SMCHD1: variants seen among roughly 807,000 people sequenced by gnomAD.
The protein encoded by SMCHD1 is structural maintenance of chromosomes flexible hinge domain containing 1.
A neutral mutation model predicts 254.7 loss-of-function variants in SMCHD1; 78 were observed. The observed-to-expected ratio is 0.31, with a 90% CI of 0.26 to 0.37. SMCHD1 has a LOEUF of 0.37. Among genes scored for constraint, SMCHD1 ranks in the 10% least tolerant of loss-of-function variants. The pLI is 1.00. For missense variants in SMCHD1, 1,840 were observed against 2,408.1 expected, an observed-to-expected ratio of 0.76 and a Z score of 4.94; for synonymous variants, 766 against 794.9, an observed-to-expected ratio of 0.96 and a Z score of 0.61.
chr18:2,752,556 T>C lies in SMCHD1; in HGVS notation c.4346+4T>C. 6.5e-7 allele frequency: 1 copy of C among 1,539,080 alleles called. No homozygotes were observed. Among genetic ancestry groups the C allele is most frequent in the Non-Finnish European group, 9.0e-7 (1 of 1,112,896 alleles). Reference sequence around the variant, plus strand: ...AAGATGGCTGCTTCTATTTCAGGTATTTCTCAAAACATTTCATATTTTGAA... The same window carrying C: ...AAGATGGCTGCTTCTATTTCAGGTACTTCTCAAAACATTTCATATTTTGAA... On this transcript the variant is annotated splice_donor_region_variant and intron_variant, in intron 34 of 47. Coordinates refer to ENST00000320876, the MANE Select transcript of SMCHD1 (RefSeq NM_015295.3).
chr18:2,800,924 CCTCTT>C (rs528410542), intron 47 of SMCHD1: 2 of 152,172 alleles, frequency 1.3e-5, no homozygotes, highest in East Asian at 3.9e-4. Context: ...AGAGACTAGA[CCTCTT>C]TTATAAAATT....
chr18:2,755,613 G>T (rs1482625042), intron 34 of SMCHD1, among the ~76,000 whole-genome samples: 2 of 139,226 alleles, frequency 1.4e-5, no homozygotes, highest in African/African-American at 5.5e-5. Flanking sequence ...TGTCTCCCAG[G>T]CTGGAGTGCA....
rs1167921048 is a variant in SMCHD1, at chr18:2,689,852, T to TAA, written c.873+1129_873+1130dup. On this transcript the variant is annotated intron_variant, in intron 7 of 47. Transcript: ENST00000320876. Reference sequence around the variant, plus strand: ...GTAACATAGGAGACCTTGTCTCTACTAAAAAAAAAAAAAAAAAAAAAAAAA... The same window carrying TAA: ...GTAACATAGGAGACCTTGTCTCTACTAAAAAAAAAAAAAAAAAAAAAAAAAAA... Among the ~76,000 whole-genome samples, 157 of 72,496 alleles carry TAA rather than the reference T, an allele frequency of 2.2e-3. 2 individuals are homozygous for TAA. The highest frequency in any genetic ancestry group is 6.5e-3 in the African/African-American group (109 of 16,852). The allele number at this position is 72,496 out of a possible 152,430, so 47.6% of individuals were successfully genotyped here. A position where few individuals can be genotyped will look rare whatever the true frequency, so the allele number is the denominator to read the frequency against.
At chr18:2,698,354 CT>C (rs1292446959) in intron 10 of SMCHD1, among the ~76,000 whole-genome samples, 39 of 152,184 alleles carry the variant, frequency 2.6e-4, no homozygotes, top group African/African-American at 8.9e-4. Flanking sequence ...CAGTTTTACA[CT>C]TTATGCAGTC....
At chr18:2,752,899 G>C (rs1012218350) in intron 34 of SMCHD1, 1 of 190,960 alleles carries the variant, frequency 5.2e-6, no homozygotes, top group African/African-American at 2.4e-5. Flanking sequence ...GCATGTTGCT[G>C]CTTCATTCTG....
Position 2,718,412 on chromosome 18 carries a change from A to T in SMCHD1, c.2436A>T (p.Lys812Asn). The change falls in exon 19 of 48, where the codon AAA becomes AAT. Residue 812 changes from lysine to asparagine, a missense_variant. This residue lies in a region of SMCHD1 where 59 missense variants were observed against 99.2 expected (regional missense o/e 0.59). Coordinates refer to ENST00000320876, the MANE Select transcript of SMCHD1 (RefSeq NM_015295.3). The surrounding 1 kb of genome is among the most constrained non-coding windows in gnomAD (Gnocchi z 4.6). Reference protein sequence around the residue: ...DTYAGRPLPSKAIKFSVKEGK... With the variant: ...DTYAGRPLPSNAIKFSVKEGK... ...ATGCAGGAAGACCACTACCATCTAAAGCAATTAAGTTTTCTGTTAAAGGTA... is the reference window on the plus strand; with the variant it reads ...ATGCAGGAAGACCACTACCATCTAATGCAATTAAGTTTTCTGTTAAAGGTA... 6.2e-7 allele frequency: 1 copy of T among 1,609,554 alleles called. No homozygotes were observed. The highest frequency in any genetic ancestry group is 8.5e-7 in the Non-Finnish European group (1 of 1,178,204).
chr18:2,658,104 A>G (rs2073128441), intron 1 of SMCHD1, among the ~76,000 whole-genome samples: 1 of 152,226 alleles, frequency 6.6e-6, no homozygotes, highest in African/African-American at 2.4e-5. Context: ...ATCTTTGAAT[A>G]CATAGCCGTT....
intron 25 of SMCHD1, among the ~76,000 whole-genome samples, chr18:2,737,456 C>T (rs945967409): frequency 1.3e-5 from 2 of 152,142 alleles, no homozygotes; most frequent in African/African-American, 4.8e-5. Context: ...TGTGGTGGCT[C>T]ACACATGTAA....
At chr18:2,671,259 G>A (rs1598290476) in intron 3 of SMCHD1, among the ~76,000 whole-genome samples, 1 of 151,872 alleles carries the variant, frequency 6.6e-6, no homozygotes, top group South Asian at 2.1e-4. Context: ...TTATTTTCCT[G>A]GGGATAAATT....
intron 34 of SMCHD1, among the ~76,000 whole-genome samples, chr18:2,756,492 T>C (rs1046361968): frequency 7.2e-5 from 11 of 152,148 alleles, no homozygotes; most frequent in Admixed American, 2.0e-4. Flanking sequence ...GGTGTTTTTG[T>C]GGGGGGAAGG....
chr18:2,803,466 T>TGTAA lies in SMCHD1; in HGVS notation c.*917_*920dup, dbSNP rs1279540898. On this transcript the variant is annotated 3_prime_UTR_variant, in exon 48 of 48. Transcript: ENST00000320876. ...AATGTATGTCATATATATGTCTTTG[T>TGTAA]GTAAGTTCAAGACTATTGATCTGTG... The TGTAA allele has an allele frequency of 1.3e-5, 2 of 152,014 alleles. No homozygotes were observed. Among genetic ancestry groups the TGTAA allele is most frequent in the African/African-American group, 2.4e-5 (1 of 41,436 alleles). 9.4% of individuals were successfully genotyped at this position (152,014 alleles called of 1,614,324 possible).
intron 19 of SMCHD1, 115 bp from the exon 20 acceptor site, chr18:2,722,404 A>G (rs2074946074): frequency 6.1e-6 from 5 of 819,676 alleles, no homozygotes; most frequent in South Asian, 4.0e-5. Flanking sequence ...TATTTTTAGC[A>G]TAGTCTAAAA....
intron 17 of SMCHD1, among the ~76,000 whole-genome samples, chr18:2,710,459 T>C (rs1175522468): frequency 6.6e-6 from 1 of 152,216 alleles, no homozygotes; most frequent in Non-Finnish European, 1.5e-5. Flanking sequence ...TTACACTGAA[T>C]ATGCAGATCA....
At chr18:2,756,093 CTA>C (rs1471835410) in intron 34 of SMCHD1, among the ~76,000 whole-genome samples, 2 of 152,124 alleles carry the variant, frequency 1.3e-5, no homozygotes, top group Non-Finnish European at 2.9e-5. Flanking sequence ...TATTGAGGCA[CTA>C]TGTGATATTT....
chr18:2,741,781 C>T (rs75371908), intron 28 of SMCHD1, among the ~76,000 whole-genome samples: 1 of 152,176 alleles, frequency 6.6e-6, no homozygotes, highest in African/African-American at 2.4e-5. Flanking sequence ...CTCCTAATTG[C>T]TCCTAAATTA....
intron 21 of SMCHD1, among the ~76,000 whole-genome samples, chr18:2,725,283 A>G (rs1283548733): frequency 2.6e-5 from 4 of 151,124 alleles, no homozygotes; most frequent in African/African-American, 9.7e-5. Context: ...TTTTCGACAT[A>G]GTTATCTAGG....
chr18:2,799,470 CTG>C (rs1460977084), intron 47 of SMCHD1, among the ~76,000 whole-genome samples: 4 of 152,154 alleles, frequency 2.6e-5, no homozygotes, highest in African/African-American at 9.6e-5. Context: ...TTTGTTTTAA[CTG>C]TTAATTTTTA....
In SMCHD1 at chr18:2,803,225, T is replaced by A. The variant is rs950930009; in HGVS notation, c.*673T>A. 1 of 147,510 alleles carries A rather than the reference T, an allele frequency of 6.8e-6. No homozygotes were observed. The highest frequency in any genetic ancestry group is 6.8e-5 in the Admixed American group (1 of 14,632). 9.1% of individuals were successfully genotyped at this position (147,510 alleles called of 1,614,324 possible). A position where few individuals can be genotyped will look rare whatever the true frequency, so the allele number is the denominator to read the frequency against. ...ATATATATATATATATATAAATATA[T>A]ATATATAAAATATTCAGCAGCACCA... is the stretch of plus-strand genomic sequence containing the variant. On this transcript the variant is annotated 3_prime_UTR_variant, in exon 48 of 48. Coordinates refer to ENST00000320876, the MANE Select transcript of SMCHD1 (RefSeq NM_015295.3).
In SMCHD1 at chr18:2,669,014, A is replaced by T. The variant is rs949448255; in HGVS notation, c.424+1983A>T. On this transcript the variant is annotated intron_variant, in intron 3 of 47. Transcript: ENST00000320876. ...CTCAGTCTCCTGAATGACTAGGACT[A>T]CAAGTGCATACCACCATGCCCAGCT... 8.6e-5 allele frequency among the ~76,000 whole-genome samples: 13 copies of T among 151,558 alleles called. No individual in the cohort carries two copies. In the East Asian group the frequency reaches 2.5e-3, roughly 29 times the overall value.
Sources: gnomAD v4.1 joint callset for allele counts (sites outside exome capture counted in the v4.1 genomes callset) on GRCh38, gnomAD v4.1.1 for gene constraint, gnomAD v4.1.1 regional missense constraint, Gnocchi (gnomAD v3.1) non-coding constraint, MANE v1.5 for transcripts, NCBI Gene and HGNC (gene_info 2026-07-23, HGNC 2026-07-21) for gene names.